The following CSMD2 variants were observed in gnomAD, a reference collection of about 807,000 sequenced individuals.
CSMD2 encodes CUB and sushi domain-containing protein 2.
A neutral mutation model predicts 398.5 loss-of-function variants in CSMD2; 130 were observed. The observed-to-expected ratio is 0.33, with a 90% CI of 0.28 to 0.38. The LOEUF is 0.38. Among genes scored for constraint, CSMD2 ranks in the 10% least tolerant of loss-of-function variants. The pLI is 1.00. For synonymous variants in CSMD2, 1,828 were observed against 1,908.5 expected, an observed-to-expected ratio of 0.96 and a Z score of 1.10; for missense variants, 3,829 against 4,764.9, an observed-to-expected ratio of 0.80 and a Z score of 5.78.
intron 1 of CSMD2, among the ~76,000 whole-genome samples, chr1:34,160,021 C>G (rs1183703032): frequency 6.6e-6 from 1 of 152,250 alleles, no homozygotes; most frequent in Non-Finnish European, 1.5e-5. Context: ...CAGCAAGGCT[C>G]TGCGGAGCAA....
chr1:33,794,123 G>T (rs988278892), intron 10 of CSMD2, among the ~76,000 whole-genome samples: 1 of 152,122 alleles, frequency 6.6e-6, no homozygotes, highest in African/African-American at 2.4e-5. Flanking sequence ...AAATCAAACC[G>T]TTCAGCACCC....
intron 7 of CSMD2, among the ~76,000 whole-genome samples, chr1:33,823,723 C>T (rs1485307438): frequency 6.6e-6 from 1 of 152,194 alleles, no homozygotes; most frequent in East Asian, 1.9e-4. Context: ...ATGTGGCTAC[C>T]TGGGTCTGAG....
chr1:33,576,290 G>A (rs1351046450), intron 49 of CSMD2, among the ~76,000 whole-genome samples: 1 of 152,194 alleles, frequency 6.6e-6, no homozygotes, highest in Non-Finnish European at 1.5e-5. Flanking sequence ...TGGTGACGAA[G>A]TATAATATTA....
intron 12 of CSMD2, among the ~76,000 whole-genome samples, chr1:33,782,884 T>C (rs1452657900): frequency 6.6e-6 from 1 of 152,182 alleles, no homozygotes; most frequent in Non-Finnish European, 1.5e-5. Flanking sequence ...TGTCATTTTT[T>C]TTTTAACTAG....
intron 58 of CSMD2, among the ~76,000 whole-genome samples, chr1:33,541,744 GC>G (rs1028930639): frequency 6.6e-5 from 10 of 152,176 alleles, no homozygotes; most frequent in Admixed American, 6.5e-4. Context: ...TATTCAAAGT[GC>G]CCCCTCTAAG....
At chr1:34,113,227 G>C (rs1343609292) in intron 1 of CSMD2, among the ~76,000 whole-genome samples, 1 of 152,168 alleles carries the variant, frequency 6.6e-6, no homozygotes, top group Admixed American at 6.5e-5. Context: ...TTAGGATCAA[G>C]AGGTATTTAT....
chr1:34,026,234 A>C (rs1179061923), intron 3 of CSMD2, among the ~76,000 whole-genome samples: 1 of 152,224 alleles, frequency 6.6e-6, no homozygotes, highest in Non-Finnish European at 1.5e-5. Flanking sequence ...GTGGCAAGAT[A>C]GGATTTGATT....
chr1:33,665,156 T>C (rs957355044), intron 25 of CSMD2, among the ~76,000 whole-genome samples: 1 of 152,154 alleles, frequency 6.6e-6, no homozygotes, highest in African/African-American at 2.4e-5. Flanking sequence ...GAAATTCTAC[T>C]TATATATTAT....
chr1:33,589,434 A>G (rs1639289114), intron 44 of CSMD2, among the ~76,000 whole-genome samples: 1 of 152,220 alleles, frequency 6.6e-6, no homozygotes, highest in Non-Finnish European at 1.5e-5. Flanking sequence ...ACTGGGAGAG[A>G]TAGTCGTCTG....
At chr1:33,759,727 A>G (rs1400255086) in intron 13 of CSMD2, among the ~76,000 whole-genome samples, 1 of 152,198 alleles carries the variant, frequency 6.6e-6, no homozygotes, top group Admixed American at 6.5e-5. Flanking sequence ...CATGGCATTC[A>G]AATCAATCAC....
At position 33,542,783 on chromosome 1, in the gene CSMD2, C is replaced by G. The variant is rs776481822; in HGVS notation, c.9214G>C (p.Gly3072Arg). 21 of 1,614,170 alleles carry G rather than the reference C, an allele frequency of 1.3e-5. No individual in the cohort carries two copies. The highest frequency in any genetic ancestry group is 1.7e-5 in the Non-Finnish European group (20 of 1,180,038). ...YECREGYYAT[G>R]LLSRHCSVNG... ...ACCGAGCAGTGACGGCTGAGCAGGCCTGTGGCGTAGTATCCTTCCCGGCAC... is the reference window on the plus strand; with the variant it reads ...ACCGAGCAGTGACGGCTGAGCAGGCGTGTGGCGTAGTATCCTTCCCGGCAC... The change falls in exon 58 of 71, where the codon GGC (glycine) becomes CGC (arginine). Residue 3072 changes from glycine (G) to arginine (R), a missense_variant. Around this residue, in one of 5 missense-constraint regions of CSMD2, gnomAD observed 917 missense variants for 1,199.5 expected, o/e 0.76. Coordinates refer to ENST00000373381, the MANE Select transcript of CSMD2 (RefSeq NM_001281956.2).
At position 33,519,617 on chromosome 1, in the gene CSMD2, G is replaced by A. The variant is rs1265475663; in HGVS notation, c.10797C>T (p.Ala3599=). ...GGTCGTACATTGGGTTCTCAAATGT[G>A]GCCCGAACATTGGTGTTCTCGTGGC... is the stretch of plus-strand genomic sequence containing the variant. ...YAGHENTNVR[A]TFENPMYDRN... The change falls in exon 70 of 71, where the codon GCC becomes GCT. Residue 3599 remains alanine, a synonymous_variant. Coordinates refer to ENST00000373381, the MANE Select transcript of CSMD2 (RefSeq NM_001281956.2). The surrounding 1 kb of genome is among the most constrained non-coding windows in gnomAD (Gnocchi z 5.6). 3 of 1,614,076 alleles carry A rather than the reference G, an allele frequency of 1.9e-6. No homozygotes were observed. The South Asian group carries it at 3.3e-5, about 18-fold the overall frequency.
At chr1:33,649,953 C>T (rs996689081) in intron 28 of CSMD2, among the ~76,000 whole-genome samples, 2 of 152,172 alleles carry the variant, frequency 1.3e-5, no homozygotes, top group African/African-American at 2.4e-5. Flanking sequence ...CCACCTGGCA[C>T]CTTGTCACAC....
intron 49 of CSMD2, 49 bp from the exon 50 acceptor site, chr1:33,572,740 C>A: frequency 3.4e-6 from 5 of 1,454,814 alleles, no homozygotes; most frequent in Non-Finnish European, 4.6e-6. Context: ...AGATGGTATT[C>A]TGAGAAACTA....
intron 1 of CSMD2, among the ~76,000 whole-genome samples, chr1:34,119,907 C>T (rs572454825): frequency 3.0e-4 from 46 of 152,300 alleles, no homozygotes; most frequent in African/African-American, 1.1e-3. Context: ...ATTCAACAAC[C>T]TATTTCTGGG....
chr1:34,037,886 G>C (rs538758431), intron 2 of CSMD2, among the ~76,000 whole-genome samples: 1 of 152,284 alleles, frequency 6.6e-6, no homozygotes, highest in African/African-American at 2.4e-5. Context: ...GCTGTGAATA[G>C]CTAATGTACA....
intron 2 of CSMD2, among the ~76,000 whole-genome samples, chr1:34,053,346 G>C (rs1055579961): frequency 2.0e-5 from 3 of 152,190 alleles, no homozygotes; most frequent in African/African-American, 7.2e-5. Flanking sequence ...GTCTGGGAAA[G>C]ACTGAAAGGT....
chr1:33,863,839 G>T (rs949710035), intron 5 of CSMD2: 3 of 196,290 alleles, frequency 1.5e-5, no homozygotes, highest in Non-Finnish European at 3.1e-5. Context: ...CCTCCAGGAA[G>T]CCAAGGAGAA....
intron 28 of CSMD2, among the ~76,000 whole-genome samples, chr1:33,649,398 C>G (rs963151536): frequency 6.6e-6 from 1 of 152,202 alleles, no homozygotes; most frequent in Non-Finnish European, 1.5e-5. Flanking sequence ...AATCTCAGCA[C>G]TTTGGGAGGC....
Sources: allele counts gnomAD v4.1 joint callset (sites outside exome capture counted in the v4.1 genomes callset), GRCh38; gene constraint gnomAD v4.1.1; regional missense constraint gnomAD v4.1.1; non-coding constraint Gnocchi (gnomAD v3.1); transcripts MANE v1.5; gene names NCBI Gene and HGNC (gene_info 2026-07-23, HGNC 2026-07-21).